Variants in PPIL3 observed in about 807,000 individuals in gnomAD.
The protein encoded by PPIL3 is peptidyl-prolyl cis-trans isomerase-like 3.
PPIL3 carries 13 observed loss-of-function variants against 20.9 expected under a neutral mutation model. That is an observed-to-expected ratio of 0.62 (90% CI 0.40 to 0.99). The LOEUF (loss-of-function observed/expected upper bound fraction) is 0.99, where lower values mean the gene tolerates loss of function less well. Ranked by LOEUF, PPIL3 falls within the 50% of genes least tolerant of loss-of-function variation. PPIL3 has a pLI of 0.00. For synonymous variants in PPIL3, 71 were observed against 64.4 expected (o/e 1.10, Z -0.49); for missense variants, 170 against 195.2 (o/e 0.87, Z 0.77).
chr2:200,878,144 C>T (rs2105768088), intron 5 of PPIL3, among the ~76,000 whole-genome samples: 1 of 152,202 alleles, frequency 6.6e-6, no homozygotes, highest in South Asian at 2.1e-4. Flanking sequence ...ATATTTAATA[C>T]ATACACAATA....
chr2:200,871,421 T>C lies in PPIL3; in HGVS notation c.460A>G (p.Ile154Val), dbSNP rs1434992594. The change falls in exon 7 of 7, where the codon ATT becomes GTT. Residue 154 changes from isoleucine (I) to valine (V), a missense_variant. Coordinates refer to ENST00000392283, the MANE Select transcript of PPIL3 (RefSeq NM_130906.3). ...LNDVHIKDIT[I>V]HANPFAQ ...TACTGAGCAAATGGGTTGGCATGAA[T>C]AGTTATGTCCTTAATGTGTACATCA... 2 of 1,611,430 alleles carry C rather than the reference T, an allele frequency of 1.2e-6. No homozygotes were observed. Among genetic ancestry groups the C allele is most frequent in the East Asian group, 2.2e-5 (1 of 44,816 alleles).
intron 6 of PPIL3, among the ~76,000 whole-genome samples, chr2:200,874,204 C>CAAA (rs767177492): frequency 4.6e-5 from 3 of 65,576 alleles, no homozygotes; most frequent in East Asian, 5.7e-4. Context: ...GACTCTGTCT[C>CAAA]AAAAAAAAAA....
chr2:200,887,482 T>C (rs1237865042), intron 2 of PPIL3, 131 bp downstream of exon 2: 1 of 492,974 alleles, frequency 2.0e-6, no homozygotes, highest in Non-Finnish European at 3.5e-6. Flanking sequence ...TTATTCCATA[T>C]TAAGTGCTTC....
intron 6 of PPIL3, among the ~76,000 whole-genome samples, chr2:200,875,345 G>T (rs1050285431): frequency 1.9e-4 from 29 of 151,666 alleles, no homozygotes; most frequent in Non-Finnish European, 3.8e-4. Flanking sequence ...TTGGCTCACT[G>T]CAATCTCCAC....
intron 6 of PPIL3, among the ~76,000 whole-genome samples, chr2:200,872,229 A>G (rs1338708098): frequency 6.6e-6 from 1 of 152,174 alleles, no homozygotes; most frequent in Non-Finnish European, 1.5e-5. Context: ...ATTTATTACT[A>G]TGGGCTATTA....
intron 4 of PPIL3, chr2:200,881,818 G>GCATAATATTGTT (rs2039737856): frequency 1.1e-5 from 3 of 278,246 alleles, no homozygotes; most frequent in African/African-American, 6.7e-5. Context: ...GCCAAAGTGA[G>GCATAATATTGTT]CACAATATTG....
rs572869872 is a variant in PPIL3 at position 200,882,574 on chromosome 2, C to G, written c.79-139G>C. On this transcript the variant is annotated intron_variant, in intron 3 of 6. Coordinates refer to ENST00000392283, the MANE Select transcript of PPIL3 (RefSeq NM_130906.3). ...CATTACTTTGGATGTCATTTCCCTG[C>G]CTACAACACTTCAATAGCTTCCTTC... 3 of 664,732 alleles carry G rather than the reference C, an allele frequency of 4.5e-6. No homozygotes were observed. In the South Asian group the frequency reaches 4.8e-5, roughly 11 times the overall value. 41.2% of individuals were successfully genotyped at this position (664,732 alleles called of 1,614,324 possible). A position where few individuals can be genotyped will look rare whatever the true frequency, so the allele number is the denominator to read the frequency against.
intron 6 of PPIL3, among the ~76,000 whole-genome samples, chr2:200,874,078 G>A (rs1024796060): frequency 2.4e-4 from 37 of 151,560 alleles, no homozygotes; most frequent in African/African-American, 6.0e-4. Flanking sequence ...GGTGGCGGGC[G>A]CCTGTAGTCC....
intron 3 of PPIL3, among the ~76,000 whole-genome samples, chr2:200,884,626 T>A (rs572728396): frequency 2.0e-5 from 3 of 150,634 alleles, no homozygotes; most frequent in Non-Finnish European, 4.4e-5. Flanking sequence ...TGTAGTCCTA[T>A]CTACTTGGGA....
rs374477057 is a variant in PPIL3, at chr2:200,887,667, C to T, written c.-52G>A. 2.6e-5 allele frequency: 40 copies of T among 1,535,394 alleles called. No homozygotes were observed. Among genetic ancestry groups the T allele is most frequent in the East Asian group, 1.6e-4 (7 of 43,430 alleles). On this transcript the variant is annotated 5_prime_UTR_variant, in exon 2 of 7. Coordinates refer to ENST00000392283, the MANE Select transcript of PPIL3 (RefSeq NM_130906.3). ...ACTACGTGATTTCTCAGTCTTACAG[C>T]GAGCTCAAAAATAAGTCTCTAGTCC...
At chr2:200,880,623 C>T (rs1240467799) in intron 5 of PPIL3, among the ~76,000 whole-genome samples, 3 of 151,966 alleles carry the variant, frequency 2.0e-5, no homozygotes, top group Non-Finnish European at 4.4e-5. Flanking sequence ...TGGCCTCAAG[C>T]AATCCTCCTT....
intron 2 of PPIL3, among the ~76,000 whole-genome samples, chr2:200,886,505 A>G (rs1414689159): frequency 2.0e-5 from 3 of 150,874 alleles, no homozygotes; most frequent in East Asian, 1.9e-4. Flanking sequence ...GGCTCACTAC[A>G]ATCTCCACCT....
Position 200,882,402 on chromosome 2 carries a change from T to C in PPIL3, c.112A>G (p.Asn38Asp). ...FLALCASNYY[N>D]GCIFHRNIKG... ...ATATTCCTATGAAATATACAGCCAT[T>C]GTAGTAATTACTGGCACAAAGAGCC... Residue 38 changes from asparagine (N) to aspartate (D), a missense_variant, in exon 4 of 7, where the codon AAT (asparagine) becomes GAT (aspartate). Transcript: ENST00000392283. The C allele has an allele frequency of 1.2e-6, 2 of 1,608,150 alleles. No homozygotes were observed. Among genetic ancestry groups the C allele is most frequent in the Non-Finnish European group, 1.7e-6 (2 of 1,174,604 alleles).
intron 3 of PPIL3, chr2:200,885,303 G>A (rs181358225): frequency 7.4e-5 from 26 of 352,888 alleles, no homozygotes; most frequent in Admixed American, 5.2e-4. Context: ...CCCAGGAGGC[G>A]GAGGTTGCAG....
rs368880177 is a variant in PPIL3, at chr2:200,882,307, C to A, written c.172+35G>T. 174 of 1,309,894 alleles carry A rather than the reference C, an allele frequency of 1.3e-4. 1 individual carries two copies. The Middle Eastern group carries it at 2.2e-3, about 17-fold the overall frequency. 81.1% of individuals were successfully genotyped at this position (1,309,894 alleles called of 1,614,324 possible). On this transcript the variant is annotated intron_variant, in intron 4 of 6. Transcript: ENST00000392283. ...TACCCACTTCTTCATACTATACATTCAGTTCCTTAGATCTTGGTTAATGGA... is the reference window on the plus strand; with the variant it reads ...TACCCACTTCTTCATACTATACATTAAGTTCCTTAGATCTTGGTTAATGGA...
At chr2:200,881,660 G>A in intron 4 of PPIL3, 172 bp from the exon 5 acceptor site, 3 of 541,006 alleles carry the variant, frequency 5.5e-6, no homozygotes, top group Non-Finnish European at 9.6e-6. Flanking sequence ...GATTAAAACA[G>A]ACCTACAAAA....
Position 200,882,382 on chromosome 2 carries a change from C to T in PPIL3, c.132G>A (p.Arg44=). 1.9e-6 allele frequency: 3 copies of T among 1,608,302 alleles called. No individual in the cohort carries two copies. Among genetic ancestry groups the T allele is most frequent in the Non-Finnish European group, 2.6e-6 (3 of 1,174,792 alleles). Residue 44 remains arginine (R), a synonymous_variant, in exon 4 of 7, where the codon AGG becomes AGA. Coordinates refer to ENST00000392283, the MANE Select transcript of PPIL3 (RefSeq NM_130906.3). ...TTTGAACCATGAAACCCTTGATATT[C>T]CTATGAAATATACAGCCATTGTAGT... ...SNYYNGCIFH[R]NIKGFMVQTG... is the part of the protein sequence containing the mutation.
At chr2:200,887,301 G>A (rs1351673415) in intron 2 of PPIL3, among the ~76,000 whole-genome samples, 10 of 147,402 alleles carry the variant, frequency 6.8e-5, no homozygotes, top group Non-Finnish European at 1.3e-4. Flanking sequence ...CAGGAGAATC[G>A]CTTGAACCCA....
At chr2:200,881,859 T>C in intron 4 of PPIL3, 1 of 229,736 alleles carries the variant, frequency 4.4e-6, no homozygotes, top group Non-Finnish European at 8.4e-6. Flanking sequence ...GCTAATAATT[T>C]CTGCTTTAAA....
Sources: gnomAD v4.1 joint callset for allele counts (sites outside exome capture counted in the v4.1 genomes callset) on GRCh38, gnomAD v4.1.1 for gene constraint, MANE v1.5 for transcripts, NCBI Gene and HGNC (gene_info 2026-07-23, HGNC 2026-07-21) for gene names.